The following CDADC1 variants were observed in gnomAD, a reference collection of about 807,000 sequenced individuals.
CDADC1 encodes dCTP deaminase.
A neutral mutation model predicts 54.9 loss-of-function variants in CDADC1; 39 were observed. The ratio of observed to expected loss-of-function variants is 0.71; its 90% CI spans 0.55 to 0.93. CDADC1 has a LOEUF of 0.93. Ranked by LOEUF, CDADC1 falls within the 40% of genes least tolerant of loss-of-function variation. The pLI, the probability that CDADC1 is intolerant of heterozygous loss-of-function variation, is 0.00. For missense variants in CDADC1, 518 were observed against 618.8 expected (o/e 0.84, Z 1.73); for synonymous variants, 186 against 204.0 (o/e 0.91, Z 0.75).
chr13:49,254,229 C>T (rs1952493261), intron 2 of CDADC1, among the ~76,000 whole-genome samples: 1 of 152,156 alleles, frequency 6.6e-6, no homozygotes, highest in African/African-American at 2.4e-5. Flanking sequence ...CCTCTACTTC[C>T]TGTTCTGTCT....
chr13:49,263,532 GTAAC>G, intron 4 of CDADC1, among the ~76,000 whole-genome samples: 1 of 152,274 alleles, frequency 6.6e-6, no homozygotes, highest in South Asian at 2.1e-4. Flanking sequence ...ATTCTACATT[GTAAC>G]TAACCTTTAA....
chr13:49,287,815 T>G (rs1953566418), intron 9 of CDADC1, among the ~76,000 whole-genome samples: 1 of 151,816 alleles, frequency 6.6e-6, no homozygotes, highest in African/African-American at 2.4e-5. Flanking sequence ...CTACAAAAAA[T>G]ACAAAAATTA....
chr13:49,259,613 G>A, intron 4 of CDADC1, 90 bp downstream of exon 4: 1 of 1,244,868 alleles, frequency 8.0e-7, no homozygotes, highest in South Asian at 1.4e-5. Flanking sequence ...CACTTTGGGA[G>A]GACAAGGCAG....
intron 5 of CDADC1, among the ~76,000 whole-genome samples, chr13:49,273,192 A>C (rs1412234166): frequency 2.0e-5 from 3 of 152,116 alleles, no homozygotes; most frequent in African/African-American, 4.8e-5. Context: ...TTGTGGCACA[A>C]ATTTTCTTTG....
At chr13:49,270,414 C>T (rs988690712) in intron 5 of CDADC1, among the ~76,000 whole-genome samples, 5 of 152,094 alleles carry the variant, frequency 3.3e-5, no homozygotes, top group Admixed American at 2.6e-4. Context: ...AGATATGTCT[C>T]ACTGTGTTGC....
chr13:49,268,376 A>C, intron 5 of CDADC1, among the ~76,000 whole-genome samples: 1 of 152,156 alleles, frequency 6.6e-6, no homozygotes, highest in South Asian at 2.1e-4. Flanking sequence ...AAGAGAAAGG[A>C]GAGGCCCAGT....
chr13:49,248,881 A>T lies in CDADC1; in HGVS notation c.93A>T (p.Pro31=). The T allele has an allele frequency of 6.2e-7, 1 of 1,605,500 alleles. No homozygotes were observed. The highest frequency in any genetic ancestry group is 8.5e-7 in the Non-Finnish European group (1 of 1,172,086). ...TQTGSMTGQI[P]RLSKVNLFTL... is the part of the protein sequence containing the mutation. ...TCGTCTCTTTTGTAGGTCAGATACCAAGGCTTTCTAAAGTCAACCTTTTCA... is the reference window on the plus strand; with the variant it reads ...TCGTCTCTTTTGTAGGTCAGATACCTAGGCTTTCTAAAGTCAACCTTTTCA... Residue 31 remains proline (P), a synonymous_variant, in exon 2 of 10, where the codon CCA becomes CCT. Transcript: ENST00000251108.
At chr13:49,260,986 A>G (rs1593802469) in intron 4 of CDADC1, among the ~76,000 whole-genome samples, 1 of 152,328 alleles carries the variant, frequency 6.6e-6, no homozygotes, top group African/African-American at 2.4e-5. Context: ...AACAGTGTAT[A>G]TGGAGTCATC....
At chr13:49,280,363 A>G (rs2138253516) in intron 7 of CDADC1, 146 bp from the exon 8 acceptor site, 1 of 386,978 alleles carries the variant, frequency 2.6e-6, no homozygotes, top group South Asian at 1.1e-4. Context: ...TCAGTAATTC[A>G]GCAAGTCTAA....
chr13:49,282,069 C>T (rs1341788440), intron 8 of CDADC1, among the ~76,000 whole-genome samples: 5 of 152,156 alleles, frequency 3.3e-5, no homozygotes, highest in South Asian at 2.1e-4. Context: ...ACACCGGCCT[C>T]GGCCACCCAA....
chr13:49,248,844 T>C, intron 1 of CDADC1, 27 bp from the exon 2 acceptor site: 2 of 1,414,640 alleles, frequency 1.4e-6, no homozygotes, highest in Non-Finnish European at 2.0e-6. Flanking sequence ...GTAACAAAGT[T>C]TAAAGTGTTT....
Position 49,286,433 on chromosome 13 carries a change from T to C in CDADC1, c.1471+151T>C, listed in dbSNP as rs1953516004. On this transcript the variant is annotated intron_variant, in intron 9 of 9. Transcript: ENST00000251108. ...TGCCATTCAATTTGTTCATAAATAT[T>C]TGTGGGTCTACCATATGCTAGGTGC... 9.1e-5 allele frequency: 57 copies of C among 626,098 alleles called. 2 individuals carry two copies. In the South Asian group the frequency reaches 1.1e-3, roughly 12 times the overall value. 38.8% of individuals were successfully genotyped at this position (626,098 alleles called of 1,614,324 possible).
chr13:49,254,620 C>G (rs1271904565), intron 2 of CDADC1, among the ~76,000 whole-genome samples: 1 of 152,124 alleles, frequency 6.6e-6, no homozygotes, highest in African/African-American at 2.4e-5. Context: ...CCAGGCTGGT[C>G]TCGAACTCTT....
Position 49,267,861 on chromosome 13 carries a change from T to G in CDADC1, c.802T>G (p.Tyr268Asp). 1.2e-6 allele frequency: 2 copies of G among 1,614,152 alleles called. No homozygotes were observed. The highest frequency in any genetic ancestry group is 8.5e-7 in the Non-Finnish European group (1 of 1,180,016). The change falls in exon 5 of 10, where the codon TAC becomes GAC. Residue 268 changes from tyrosine to aspartate, a missense_variant. Coordinates refer to ENST00000251108, the MANE Select transcript of CDADC1 (RefSeq NM_030911.4). ...IGLENLCENP[Y>D]FSNLRQNMKD... ...TTTGGAGAACCTGTGTGAAAATCCATACTTTAGCAATCTAAGGCAAAACAT... is the reference window on the plus strand; with the variant it reads ...TTTGGAGAACCTGTGTGAAAATCCAGACTTTAGCAATCTAAGGCAAAACAT...
At chr13:49,266,029 CA>C (rs1175053333) in intron 4 of CDADC1, 6 of 1,054,226 alleles carry the variant, frequency 5.7e-6, no homozygotes, top group Non-Finnish European at 7.7e-6. Flanking sequence ...AATTGCTTTG[CA>C]GCATAAGCCA....
chr13:49,274,057 C>T (rs543922490), intron 5 of CDADC1, among the ~76,000 whole-genome samples: 3 of 152,256 alleles, frequency 2.0e-5, no homozygotes, highest in East Asian at 3.9e-4. Context: ...CCTCCACATA[C>T]GTATGTGTGA....
At chr13:49,259,279 AG>A (rs1439505902) in intron 3 of CDADC1, 66 bp from the exon 4 acceptor site, 49 of 1,059,864 alleles carry the variant, frequency 4.6e-5, no homozygotes, top group Non-Finnish European at 5.8e-5. Flanking sequence ...TAATAATTCA[AG>A]TATAATCCAT....
chr13:49,261,491 G>C (rs1168037971), intron 4 of CDADC1, among the ~76,000 whole-genome samples: 1 of 152,202 alleles, frequency 6.6e-6, no homozygotes, highest in Non-Finnish European at 1.5e-5. Flanking sequence ...GTAATGTGGA[G>C]ACATTGAAGA....
intron 9 of CDADC1, among the ~76,000 whole-genome samples, chr13:49,291,171 T>TTG (rs1233991838): frequency 3.5e-4 from 1 of 2,834 alleles, no homozygotes; most frequent in Non-Finnish European, 0.031. Flanking sequence ...CAGTTTTTGG[T>TTG]TTTTTTTTTT....
Sources: gnomAD v4.1 joint callset for allele counts (sites outside exome capture counted in the v4.1 genomes callset) on GRCh38, gnomAD v4.1.1 for gene constraint, MANE v1.5 for transcripts, NCBI Gene and HGNC (gene_info 2026-07-23, HGNC 2026-07-21) for gene names.